The following ANKS1B variants were observed in gnomAD, a reference collection of about 807,000 sequenced individuals.
ANKS1B encodes the protein ankyrin repeat and sterile alpha motif domain containing 1B.
ANKS1B carries 36 observed loss-of-function variants against 148.3 expected under a neutral mutation model. The observed-to-expected ratio is 0.24, with a 90% CI of 0.19 to 0.32. The LOEUF (loss-of-function observed/expected upper bound fraction) is 0.32, where lower values mean the gene tolerates loss of function less well. Among genes scored for constraint, ANKS1B ranks in the 10% least tolerant of loss-of-function variants. The pLI is 1.00. For missense variants in ANKS1B, 1,157 were observed against 1,542.6 expected, an observed-to-expected ratio of 0.75 and a Z score of 4.19; for synonymous variants, 542 against 560.8, an observed-to-expected ratio of 0.97 and a Z score of 0.47.
At chr12:99,705,011 A>G (rs959680374) in intron 8 of ANKS1B, among the ~76,000 whole-genome samples, 4 of 152,128 alleles carry the variant, frequency 2.6e-5, no homozygotes, top group African/African-American at 9.7e-5. Context: ...CAGACTTGAG[A>G]ACTGGATCCA....
chr12:98,737,692 C>T (rs1004859618), intron 9 of ANKS1B, among the ~76,000 whole-genome samples: 3 of 152,170 alleles, frequency 2.0e-5, no homozygotes, highest in Admixed American at 1.3e-4. Flanking sequence ...GAAGATGTAG[C>T]ATATCACCAG....
chr12:98,862,292 G>A (rs1455193289), intron 17 of ANKS1B, among the ~76,000 whole-genome samples: 1 of 152,062 alleles, frequency 6.6e-6, no homozygotes, highest in East Asian at 1.9e-4. Flanking sequence ...GCCATGTATT[G>A]CGGGAGAGTT....
chr12:99,007,716 G>A (rs1005827317), intron 17 of ANKS1B, among the ~76,000 whole-genome samples: 15 of 152,162 alleles, frequency 9.9e-5, no homozygotes, highest in African/African-American at 3.6e-4. Context: ...GAATGTTCTT[G>A]TTCTAGTATA....
chr12:99,201,636 A>C (rs2082081129), intron 14 of ANKS1B, among the ~76,000 whole-genome samples: 1 of 152,172 alleles, frequency 6.6e-6, no homozygotes, highest in Non-Finnish European at 1.5e-5. Flanking sequence ...TTGCATGATA[A>C]ATTTTGCATG....
intron 1 of ANKS1B, among the ~76,000 whole-genome samples, chr12:99,889,801 T>A (rs549366156): frequency 2.6e-5 from 4 of 152,232 alleles, no homozygotes; most frequent in Non-Finnish European, 5.9e-5. Flanking sequence ...TTTAGTAGCT[T>A]AAGAAGCATA....
intron 15 of ANKS1B, among the ~76,000 whole-genome samples, chr12:99,113,656 G>A (rs1430292754): frequency 1.8e-4 from 28 of 152,180 alleles, no homozygotes. Flanking sequence ...GCAATGTCTT[G>A]GACTTGTGCC....
chr12:99,120,675 G>A (rs75016902), intron 15 of ANKS1B, among the ~76,000 whole-genome samples: 72 of 152,268 alleles, frequency 4.7e-4, no homozygotes, highest in Non-Finnish European at 9.8e-4. Flanking sequence ...TGGAGACAAC[G>A]CTGACATTCA....
intron 22 of ANKS1B, among the ~76,000 whole-genome samples, chr12:98,784,759 G>A (rs1286543134): frequency 1.3e-5 from 2 of 152,106 alleles, no homozygotes; most frequent in South Asian, 2.1e-4. Flanking sequence ...GCTCGGCCAA[G>A]TTGAACAAAA....
intron 12 of ANKS1B, among the ~76,000 whole-genome samples, chr12:99,316,043 G>A (rs2084025294): frequency 6.6e-6 from 1 of 152,132 alleles, no homozygotes; most frequent in East Asian, 1.9e-4. Context: ...GTGTATATGT[G>A]CCACATTTTC....
At chr12:99,638,322 A>C (rs894720328) in intron 9 of ANKS1B, among the ~76,000 whole-genome samples, 1 of 152,012 alleles carries the variant, frequency 6.6e-6, no homozygotes, top group Non-Finnish European at 1.5e-5. Flanking sequence ...GGAAGTTTGG[A>C]GCTTCCTAGA....
chr12:99,523,971 T>C (rs1037367918), intron 9 of ANKS1B, among the ~76,000 whole-genome samples: 5 of 152,232 alleles, frequency 3.3e-5, no homozygotes, highest in Admixed American at 6.5e-5. Context: ...ACAAGTTACC[T>C]GAATATATTC....
chr12:99,613,366 G>T (rs889238519), intron 9 of ANKS1B, among the ~76,000 whole-genome samples: 2 of 151,996 alleles, frequency 1.3e-5, no homozygotes. Flanking sequence ...TATATCCAAA[G>T]AATATAAATT....
intron 10 of ANKS1B, among the ~76,000 whole-genome samples, chr12:99,463,216 T>C (rs935886095): frequency 3.3e-5 from 5 of 152,234 alleles, no homozygotes; most frequent in Non-Finnish European, 5.9e-5. Flanking sequence ...AGCCTTTGTA[T>C]AGGAATGCAT....
intron 9 of ANKS1B, 87 bp from the exon 10 acceptor site, chr12:99,504,728 A>G: frequency 9.7e-7 from 1 of 1,032,574 alleles, no homozygotes; most frequent in Non-Finnish European, 1.3e-6. Context: ...AATCAGGTTC[A>G]TTAGTTCTTT....
chr12:99,815,858 T>G (rs2153671296), intron 2 of ANKS1B, among the ~76,000 whole-genome samples: 1 of 151,946 alleles, frequency 6.6e-6, no homozygotes, highest in South Asian at 2.1e-4. Context: ...TTCCATGGTG[T>G]ATATATATAC....
At chr12:99,244,449 A>G (rs369999491) in intron 13 of ANKS1B, 35 bp from the exon 14 acceptor site, 141 of 1,375,324 alleles carry the variant, frequency 1.0e-4, no homozygotes, top group Non-Finnish European at 1.4e-4. Context: ...ATGGATTGTT[A>G]CATTCACTTT....
intron 1 of ANKS1B, among the ~76,000 whole-genome samples, chr12:99,902,094 A>G (rs1294229070): frequency 1.3e-5 from 2 of 152,244 alleles, no homozygotes; most frequent in Non-Finnish European, 1.5e-5. Context: ...AAGCGCCATA[A>G]AAGAAATAAA....
At chr12:99,359,188 T>C (rs913706224) in intron 12 of ANKS1B, among the ~76,000 whole-genome samples, 1 of 152,180 alleles carries the variant, frequency 6.6e-6, no homozygotes, top group Non-Finnish European at 1.5e-5. Context: ...GATGAAATAT[T>C]GCTCTGTTAT....
intron 12 of ANKS1B, among the ~76,000 whole-genome samples, chr12:99,378,368 A>T (rs73151137): frequency 0.12 from 18,883 of 152,092 alleles, 1,235 homozygotes; most frequent in African/African-American, 0.17. Flanking sequence ...CCAGTTTAAA[A>T]GAGAAGGCCG....
Sources: gnomAD v4.1 joint callset for allele counts (sites outside exome capture counted in the v4.1 genomes callset) on GRCh38, gnomAD v4.1.1 for gene constraint, MANE v1.5 for transcripts, NCBI Gene and HGNC (gene_info 2026-07-23, HGNC 2026-07-21) for gene names.